The following KDM2A variants were observed in gnomAD, a reference collection of about 807,000 sequenced individuals.
KDM2A encodes lysine-specific demethylase 2A.
KDM2A carries 3 observed loss-of-function variants against 137.3 expected under a neutral mutation model. The ratio of observed to expected loss-of-function variants is 0.02; its 90% CI spans 0.01 to 0.06. The LOEUF (loss-of-function observed/expected upper bound fraction) is 0.06. Among genes scored for constraint, KDM2A ranks in the 10% least tolerant of loss-of-function variants. The pLI, the probability that KDM2A is intolerant of heterozygous loss-of-function variation, is 1.00. For synonymous variants in KDM2A, 512 were observed against 541.5 expected (o/e 0.95, Z 0.76); for missense variants, 738 against 1,510.6 (o/e 0.49, Z 8.48).
At chr11:67,217,678 A>G in intron 8 of KDM2A, 53 bp from the exon 9 acceptor site, 1 of 1,579,386 alleles carries the variant, frequency 6.3e-7, no homozygotes, top group Admixed American at 1.7e-5. Flanking sequence ...GTTGAGGGAG[A>G]CGACTGGGTC....
intron 13 of KDM2A, among the ~76,000 whole-genome samples, chr11:67,244,550 A>C (rs2136448986): frequency 6.6e-6 from 1 of 152,344 alleles, no homozygotes; most frequent in South Asian, 2.1e-4. Flanking sequence ...TGCAAAAAGA[A>C]AGGGAAGCAG....
At chr11:67,158,406 T>C (rs1856567352) in intron 2 of KDM2A, among the ~76,000 whole-genome samples, 2 of 152,266 alleles carry the variant, frequency 1.3e-5, no homozygotes, top group Admixed American at 1.3e-4. Flanking sequence ...TAGGTTTTTG[T>C]GTGGACATGA....
intron 3 of KDM2A, 76 bp downstream of exon 3, chr11:67,180,293 CT>C: frequency 7.0e-7 from 1 of 1,433,702 alleles, no homozygotes; most frequent in Non-Finnish European, 9.4e-7. Context: ...GGGGTTTAGC[CT>C]TTATCCAGCT....
chr11:67,240,462 C>A, intron 12 of KDM2A: 1 of 1,047,150 alleles, frequency 9.5e-7, no homozygotes, highest in African/African-American at 1.6e-5. Context: ...AAACTGCCTG[C>A]CGGGCGAGTC....
intron 2 of KDM2A, among the ~76,000 whole-genome samples, chr11:67,145,783 T>G (rs1856229538): frequency 6.6e-6 from 1 of 152,032 alleles, no homozygotes; most frequent in South Asian, 2.1e-4. Context: ...TTTTGGACCT[T>G]TGCGTATGCT....
At chr11:67,218,513 C>A (rs913433510) in intron 9 of KDM2A, among the ~76,000 whole-genome samples, 2 of 152,286 alleles carry the variant, frequency 1.3e-5, no homozygotes, top group South Asian at 4.1e-4. Context: ...AACACAAATT[C>A]ATAAGCCTTC....
chr11:67,202,341 G>A (rs993555621), intron 5 of KDM2A, among the ~76,000 whole-genome samples: 5 of 152,158 alleles, frequency 3.3e-5, no homozygotes, highest in African/African-American at 1.2e-4. Context: ...CAGCAGTAGG[G>A]TTTGAGAGGA....
chr11:67,124,840 G>A (rs147516540), intron 2 of KDM2A, among the ~76,000 whole-genome samples: 106 of 151,356 alleles, frequency 7.0e-4, no homozygotes, highest in African/African-American at 2.4e-3. Flanking sequence ...TCATCTATTT[G>A]GAGAGAACTT....
At chr11:67,130,739 AAAGGGTT>A (rs1055303976) in intron 2 of KDM2A, among the ~76,000 whole-genome samples, 64 of 152,308 alleles carry the variant, frequency 4.2e-4, no homozygotes, top group Admixed American at 3.5e-3. Flanking sequence ...TTCACATCAA[AAAGGGTT>A]AAAATTCAGT....
intron 12 of KDM2A, among the ~76,000 whole-genome samples, chr11:67,241,741 T>C (rs1164198052): frequency 6.6e-6 from 1 of 152,174 alleles, no homozygotes; most frequent in Non-Finnish European, 1.5e-5. Context: ...TCCATTATAC[T>C]AGAAGATTTG....
rs769465973 is a variant in KDM2A at position 67,250,568 on chromosome 11, G to A, written c.2538G>A (p.Gln846=). The A allele has an allele frequency of 6.2e-7, 1 of 1,613,542 alleles. No individual in the cohort carries two copies. The highest frequency in any genetic ancestry group is 8.5e-7 in the Non-Finnish European group (1 of 1,179,740). The part of the protein sequence containing the change: ...LVQHCPARTP[Q]RGDEEGLGGE... Reference sequence around the variant, plus strand: ...AGCACTGCCCAGCCCGAACCCCCCAGCGTGGGGATGAGGAGGGGCTGGGGG... The same window carrying A: ...AGCACTGCCCAGCCCGAACCCCCCAACGTGGGGATGAGGAGGGGCTGGGGG... Residue 846 remains glutamine, a synonymous_variant, in exon 17 of 21, where the codon CAG becomes CAA. Transcript: ENST00000529006. This position sits in a 1 kb window ranked among gnomAD's most constrained non-coding sequence, Gnocchi z 7.1.
At chr11:67,241,376 A>C (rs1859036073) in intron 12 of KDM2A, among the ~76,000 whole-genome samples, 1 of 152,186 alleles carries the variant, frequency 6.6e-6, no homozygotes, top group Non-Finnish European at 1.5e-5. Flanking sequence ...GGAAGGTGAG[A>C]GGCATCTGGA....
At chr11:67,198,372 C>G (rs950633350) in intron 5 of KDM2A, among the ~76,000 whole-genome samples, 1 of 150,612 alleles carries the variant, frequency 6.6e-6, no homozygotes, top group Non-Finnish European at 1.5e-5. Context: ...TTGAGCAAGT[C>G]TGTAGCCGCC....
At chr11:67,253,428 A>G in intron 18 of KDM2A, 25 bp from the exon 19 acceptor site, 1 of 1,605,806 alleles carries the variant, frequency 6.2e-7, no homozygotes, top group African/African-American at 1.3e-5. Context: ...GTGTATTATT[A>G]CATGTCTCAT....
chr11:67,245,847 C>T lies in KDM2A; in HGVS notation c.1834-138C>T, dbSNP rs1859188375. On this transcript the variant is annotated intron_variant, in intron 14 of 20. Transcript: ENST00000529006. The surrounding 1 kb of genome is among the most constrained non-coding windows in gnomAD (Gnocchi z 4.1). The stretch of plus-strand genomic sequence containing the variant: ...ATTTTTCCTACCCAAAACCTCCGTT[C>T]TCTCCACCCTGCCTCCATGCTTCCA... 5 of 1,015,812 alleles carry T rather than the reference C, an allele frequency of 4.9e-6. No individual in the cohort carries two copies. The Admixed American group carries it at 1.4e-4, about 28-fold the overall frequency. 62.9% of individuals were successfully genotyped at this position (1,015,812 alleles called of 1,614,324 possible).
At chr11:67,154,781 C>T (rs1298987111) in intron 2 of KDM2A, among the ~76,000 whole-genome samples, 1 of 152,126 alleles carries the variant, frequency 6.6e-6, no homozygotes, top group African/African-American at 2.4e-5. Context: ...TACTGTATGA[C>T]CTTTTGTGTC....
At chr11:67,120,271 C>T (rs185040117) in intron 1 of KDM2A, among the ~76,000 whole-genome samples, 3 of 152,320 alleles carry the variant, frequency 2.0e-5, no homozygotes, top group African/African-American at 7.2e-5. Flanking sequence ...CTCCCGACTT[C>T]GGGCCAGGGC....
In KDM2A at chr11:67,255,533, C is replaced by T. The variant is rs1483850413; in HGVS notation, c.*478C>T. On this transcript the variant is annotated 3_prime_UTR_variant, in exon 21 of 21. Coordinates refer to ENST00000529006, the MANE Select transcript of KDM2A (RefSeq NM_012308.3). The stretch of plus-strand genomic sequence containing the variant: ...TCCTCCATCACACTCTCCCGGCTTG[C>T]GCAGGAGGGGCCAGCAGCCCCAGGA... The T allele has an allele frequency of 6.6e-6, 3 of 456,822 alleles. No individual in the cohort carries two copies. Among genetic ancestry groups the T allele is most frequent in the Admixed American group, 4.7e-5 (2 of 42,572 alleles). 28.3% of individuals were successfully genotyped at this position (456,822 alleles called of 1,614,324 possible).
chr11:67,245,902 A>G lies in KDM2A; in HGVS notation c.1834-83A>G. 13 of 1,517,710 alleles carry G rather than the reference A, an allele frequency of 8.6e-6. No individual in the cohort carries two copies. The South Asian group carries it at 1.6e-4, about 18-fold the overall frequency. The allele number at this position is 1,517,710 out of a possible 1,614,324, so 94.0% of individuals were successfully genotyped here. On this transcript the variant is annotated intron_variant, in intron 14 of 20. Transcript: ENST00000529006. This position sits in a 1 kb window ranked among gnomAD's most constrained non-coding sequence, Gnocchi z 4.1. ...TTTAGTAGAGAATTATAGGACCCAAATCTCCCATCTTCAGTTTAAGGGAAA... is the reference window on the plus strand; with the variant it reads ...TTTAGTAGAGAATTATAGGACCCAAGTCTCCCATCTTCAGTTTAAGGGAAA...
Sources: allele counts gnomAD v4.1 joint callset (sites outside exome capture counted in the v4.1 genomes callset), GRCh38; gene constraint gnomAD v4.1.1; non-coding constraint Gnocchi (gnomAD v3.1); transcripts MANE v1.5; gene names NCBI Gene and HGNC (gene_info 2026-07-23, HGNC 2026-07-21).